LRRC18: variants seen among roughly 807,000 people sequenced by gnomAD.
The protein encoded by LRRC18 is leucine-rich repeat-containing protein 18.
A neutral mutation model predicts 11.2 loss-of-function variants in LRRC18; 12 were observed. That is an observed-to-expected ratio of 1.07 (90% CI 0.69 to 1.74). LRRC18 has a LOEUF of 1.74. LRRC18 is among the 40% of genes most tolerant of loss of function. The pLI is 0.00. For synonymous variants in LRRC18, 155 were observed against 130.6 expected, an observed-to-expected ratio of 1.19 and a Z score of -1.27; for missense variants, 374 against 330.5, an observed-to-expected ratio of 1.13 and a Z score of -1.02.
chr10:48,910,914 C>T (rs1209783402), intron 1 of LRRC18: 1 of 985,130 alleles, frequency 1.0e-6, no homozygotes, highest in African/African-American at 1.7e-5. Context: ...TTTCTCTTAA[C>T]TTCTCTCCTT....
chr10:48,918,324 G>C (rs1589885233), upstream of LRRC18, among the ~76,000 whole-genome samples: 1 of 152,136 alleles, frequency 6.6e-6, no homozygotes, highest in East Asian at 1.9e-4. Flanking sequence ...CCAATTGTAT[G>C]TTGTCTATAA....
At chr10:48,931,109 A>T in the LRRC18 span, among the ~76,000 whole-genome samples, 1 of 141,850 alleles carries the variant, frequency 7.0e-6, no homozygotes, top group Non-Finnish European at 1.5e-5. Context: ...ACACACACAC[A>T]CACACACACA....
At chr10:48,911,826 T>C (rs1838030990) in intron 1 of LRRC18, among the ~76,000 whole-genome samples, 1 of 152,190 alleles carries the variant, frequency 6.6e-6, no homozygotes, top group African/African-American at 2.4e-5. Context: ...AAAACTAAAA[T>C]GAAAATTTTG....
intron 1 of LRRC18, among the ~76,000 whole-genome samples, chr10:48,912,206 G>A (rs922627326): frequency 8.5e-5 from 13 of 152,220 alleles, no homozygotes; most frequent in Non-Finnish European, 1.6e-4. Flanking sequence ...AAGATCTAGC[G>A]TAACTGGCAC....
chr10:48,925,236 T>C, the LRRC18 span, among the ~76,000 whole-genome samples: 1 of 152,226 alleles, frequency 6.6e-6, no homozygotes, highest in Non-Finnish European at 1.5e-5. Context: ...CCCGAGTGGC[T>C]TCAGATCACT....
chr10:48,928,855 C>T, the LRRC18 span, among the ~76,000 whole-genome samples: 1 of 152,190 alleles, frequency 6.6e-6, no homozygotes, highest in Non-Finnish European at 1.5e-5. Context: ...CTTCCCACAG[C>T]CCTTTGAAGT....
At chr10:48,925,317 T>A in the LRRC18 span, among the ~76,000 whole-genome samples, 2 of 152,198 alleles carry the variant, frequency 1.3e-5, no homozygotes, top group Admixed American at 1.3e-4. Context: ...TCTTCACAGA[T>A]GAAGTCCATG....
chr10:48,933,725 C>T, the LRRC18 span, among the ~76,000 whole-genome samples: 1 of 152,126 alleles, frequency 6.6e-6, no homozygotes, highest in African/African-American at 2.4e-5. Flanking sequence ...ATTGCATTGG[C>T]AATGGGCTGA....
the LRRC18 span, among the ~76,000 whole-genome samples, chr10:48,922,000 AC>A: frequency 6.6e-6 from 1 of 152,192 alleles, no homozygotes; most frequent in Non-Finnish European, 1.5e-5. Context: ...CCATGTTCAT[AC>A]TGAAACCTGT....
chr10:48,920,244 G>A, the LRRC18 span, among the ~76,000 whole-genome samples: 13 of 152,038 alleles, frequency 8.6e-5, no homozygotes, highest in East Asian at 7.7e-4. Context: ...GCTAAAGGAC[G>A]TCCACAAAAA....
chr10:48,918,198 A>G (rs554900633), upstream of LRRC18, among the ~76,000 whole-genome samples: 1 of 152,354 alleles, frequency 6.6e-6, no homozygotes, highest in African/African-American at 2.4e-5. Flanking sequence ...ACAGACAACA[A>G]CTATTAAAAT....
chr10:48,910,298 G>A (rs950218446), intron 1 of LRRC18, 40 bp from the exon 4 acceptor site: 2 of 1,594,942 alleles, frequency 1.3e-6, no homozygotes, highest in East Asian at 2.2e-5. Context: ...AATTGCTCCA[G>A]GCCACAGAGG....
chr10:48,916,438 G>C (rs1838541181), upstream of LRRC18, among the ~76,000 whole-genome samples: 1 of 152,130 alleles, frequency 6.6e-6, no homozygotes, highest in South Asian at 2.1e-4. Flanking sequence ...TGTATCCCTG[G>C]AGTCATCCAG....
chr10:48,921,081 C>A, the LRRC18 span, among the ~76,000 whole-genome samples: 1 of 151,938 alleles, frequency 6.6e-6, no homozygotes, highest in Non-Finnish European at 1.5e-5. Flanking sequence ...TTGGTCTAAT[C>A]AAAATTACAG....
the LRRC18 span, among the ~76,000 whole-genome samples, chr10:48,928,059 A>T: frequency 6.6e-6 from 1 of 152,102 alleles, no homozygotes; most frequent in Non-Finnish European, 1.5e-5. Context: ...ATTCCACCCA[A>T]TGTGTTTTAA....
chr10:48,917,571 G>C (rs1006851697), upstream of LRRC18, among the ~76,000 whole-genome samples: 6 of 152,208 alleles, frequency 3.9e-5, no homozygotes, highest in African/African-American at 1.4e-4. Context: ...AACCACAGGG[G>C]CCAGAGGTGC....
chr10:48,926,946 T>G, the LRRC18 span, among the ~76,000 whole-genome samples: 2 of 152,164 alleles, frequency 1.3e-5, no homozygotes, highest in Non-Finnish European at 2.9e-5. Flanking sequence ...ACATGGAGTG[T>G]GAGTCAAGAG....
the LRRC18 span, among the ~76,000 whole-genome samples, chr10:48,919,470 CT>C: frequency 6.6e-6 from 1 of 152,200 alleles, no homozygotes; most frequent in African/African-American, 2.4e-5. Context: ...AGAAGACTGT[CT>C]TGGTCCACTC....
chr10:48,938,548 G>A, the LRRC18 span, among the ~76,000 whole-genome samples: 1 of 152,256 alleles, frequency 6.6e-6, no homozygotes, highest in Non-Finnish European at 1.5e-5. Flanking sequence ...TGCTCTGGGG[G>A]CCTGGTTTCA....
Sources: gnomAD v4.1 joint callset for allele counts (sites outside exome capture counted in the v4.1 genomes callset) on GRCh38, gnomAD v4.1.1 for gene constraint, MANE v1.5 for transcripts, NCBI Gene and HGNC (gene_info 2026-07-23, HGNC 2026-07-21) for gene names.